ADGRL3: variants seen among roughly 807,000 people sequenced by gnomAD.
The protein encoded by ADGRL3 is calcium-independent alpha-latrotoxin receptor 3.
A neutral mutation model predicts 153.5 loss-of-function variants in ADGRL3; 62 were observed. That is an observed-to-expected ratio of 0.40 (90% CI 0.33 to 0.50). The LOEUF (loss-of-function observed/expected upper bound fraction) is 0.50. ADGRL3 is among the 20% of genes least tolerant of loss of function. The pLI is 0.47. For missense variants in ADGRL3, 1,641 were observed against 1,859.4 expected, an observed-to-expected ratio of 0.88 and a Z score of 2.16; for synonymous variants, 710 against 672.5, an observed-to-expected ratio of 1.06 and a Z score of -0.86.
chr4:61,447,270 T>C (rs2097595129), intron 2 of ADGRL3, among the ~76,000 whole-genome samples: 1 of 152,204 alleles, frequency 6.6e-6, no homozygotes, highest in South Asian at 2.1e-4. Flanking sequence ...ACTGTTTCTC[T>C]ATTTTCTCAC....
chr4:61,320,496 AGTT>A (rs1431919516), intron 1 of ADGRL3, among the ~76,000 whole-genome samples: 1 of 152,144 alleles, frequency 6.6e-6, no homozygotes, highest in African/African-American at 2.4e-5. Flanking sequence ...TTCAGGTAAG[AGTT>A]GTTGTTTGCA....
chr4:61,556,000 C>T (rs1000022814), intron 4 of ADGRL3, among the ~76,000 whole-genome samples: 5 of 152,100 alleles, frequency 3.3e-5, no homozygotes, highest in Admixed American at 2.0e-4. Context: ...GTGCTGTCCT[C>T]TTATCTCATC....
chr4:61,384,266 T>C (rs188574462), intron 2 of ADGRL3, among the ~76,000 whole-genome samples: 1 of 152,016 alleles, frequency 6.6e-6, no homozygotes, highest in African/African-American at 2.4e-5. Flanking sequence ...GCAATGTTGT[T>C]CCTGTTTTAC....
intron 8 of ADGRL3, among the ~76,000 whole-genome samples, chr4:61,804,465 T>TTA (rs1255020125): frequency 6.6e-6 from 1 of 152,134 alleles, no homozygotes; most frequent in Non-Finnish European, 1.5e-5. Context: ...ACACAAGCAT[T>TTA]TATATATATT....
chr4:61,583,902 A>T (rs2098935976), intron 4 of ADGRL3, among the ~76,000 whole-genome samples: 1 of 151,998 alleles, frequency 6.6e-6, no homozygotes, highest in Admixed American at 6.6e-5. Flanking sequence ...TTACGTTATG[A>T]GTCACTCCAC....
At chr4:61,938,335 ATTATG>A (rs762558076) in intron 15 of ADGRL3, among the ~76,000 whole-genome samples, 20 of 152,216 alleles carry the variant, frequency 1.3e-4, no homozygotes, top group African/African-American at 4.6e-4. Context: ...ACAAAATTAA[ATTATG>A]TTATAACAGA....
rs76626933 is a variant in ADGRL3 at position 61,677,939 on chromosome 4, A to G, written c.583+1004A>G. Among the ~76,000 whole-genome samples, 430 of 152,122 alleles carry G rather than the reference A, an allele frequency of 2.8e-3. 2 individuals carry two copies. The highest frequency in any genetic ancestry group is 5.3e-3 in the Non-Finnish European group (362 of 67,944). ...AATTGAAATTTTAAAATAATAGTGA[A>G]AACAATTCAGAGAAAATTTCGTTCA... On this transcript the variant is annotated intron_variant, in intron 6 of 26. Transcript: ENST00000683033.
intron 1 of ADGRL3, among the ~76,000 whole-genome samples, chr4:61,361,841 A>T (rs1346958713): frequency 6.6e-6 from 1 of 152,002 alleles, no homozygotes; most frequent in Non-Finnish European, 1.5e-5. Flanking sequence ...TTTTTAAATA[A>T]ATAAGCATAA....
intron 2 of ADGRL3, among the ~76,000 whole-genome samples, chr4:61,486,997 G>T (rs551863716): frequency 1.3e-5 from 2 of 152,176 alleles, no homozygotes; most frequent in Non-Finnish European, 2.9e-5. Context: ...CCTGTTTACG[G>T]CATGATTCTT....
chr4:61,619,672 G>A (rs1044046969), intron 5 of ADGRL3, among the ~76,000 whole-genome samples: 2 of 152,258 alleles, frequency 1.3e-5, no homozygotes, highest in South Asian at 2.1e-4. Flanking sequence ...GCTAGTAATT[G>A]AAACTCATAA....
chr4:61,772,114 G>A (rs1160056994), intron 8 of ADGRL3, among the ~76,000 whole-genome samples: 11 of 152,184 alleles, frequency 7.2e-5, no homozygotes, highest in Admixed American at 6.5e-4. Flanking sequence ...GCTGTCCTGG[G>A]AGGAAAAGGA....
chr4:61,742,836 C>T (rs1462345204), intron 8 of ADGRL3, among the ~76,000 whole-genome samples: 2 of 152,104 alleles, frequency 1.3e-5, no homozygotes, highest in African/African-American at 4.8e-5. Context: ...AACACTTCAT[C>T]TTATTTACTT....
intron 4 of ADGRL3, among the ~76,000 whole-genome samples, chr4:61,565,046 T>C (rs943738681): frequency 6.6e-6 from 1 of 152,120 alleles, no homozygotes; most frequent in Non-Finnish European, 1.5e-5. Context: ...GTTTGAAATA[T>C]TGCAAGAATG....
chr4:61,295,811 A>G (rs937805390), intron 1 of ADGRL3, among the ~76,000 whole-genome samples: 1 of 151,684 alleles, frequency 6.6e-6, no homozygotes, highest in African/African-American at 2.4e-5. Flanking sequence ...ATTTAAAAAA[A>G]AAAAAAAGAA....
chr4:61,485,478 A>T (rs1425298689), intron 2 of ADGRL3, among the ~76,000 whole-genome samples: 1 of 152,136 alleles, frequency 6.6e-6, no homozygotes, highest in Non-Finnish European at 1.5e-5. Flanking sequence ...GAAATTTTTT[A>T]AAAATGTGAA....
chr4:61,601,693 C>A (rs1380010861), intron 5 of ADGRL3, among the ~76,000 whole-genome samples: 4 of 152,138 alleles, frequency 2.6e-5, no homozygotes, highest in African/African-American at 9.7e-5. Context: ...ATACCTCATA[C>A]CAGTGGTGGT....
intron 17 of ADGRL3, among the ~76,000 whole-genome samples, chr4:61,966,551 T>C (rs985774430): frequency 1.3e-5 from 2 of 151,300 alleles, no homozygotes; most frequent in African/African-American, 4.9e-5. Context: ...ACCCAACACC[T>C]TTAAGAAGTA....
intron 1 of ADGRL3, among the ~76,000 whole-genome samples, chr4:61,275,682 CT>C (rs2093426783): frequency 6.6e-6 from 1 of 152,124 alleles, no homozygotes; most frequent in Non-Finnish European, 1.5e-5. Context: ...GCTATTACTT[CT>C]TCTCAACCCA....
chr4:61,501,071 A>T (rs75589389), intron 3 of ADGRL3, among the ~76,000 whole-genome samples: 1 of 152,204 alleles, frequency 6.6e-6, no homozygotes. Context: ...GGACAGACAG[A>T]CTGTGGTTCT....
Sources: allele counts gnomAD v4.1 joint callset (sites outside exome capture counted in the v4.1 genomes callset), GRCh38; gene constraint gnomAD v4.1.1; transcripts MANE v1.5; gene names NCBI Gene and HGNC (gene_info 2026-07-23, HGNC 2026-07-21).